TMEM177: variants seen among roughly 807,000 people sequenced by gnomAD.
TMEM177 encodes the protein transmembrane protein 177.
TMEM177 carries 4 observed loss-of-function variants against 14.2 expected under a neutral mutation model. That is an observed-to-expected ratio of 0.28 (90% confidence interval 0.14 to 0.64). TMEM177 has a LOEUF of 0.64. Ranked by LOEUF, TMEM177 falls within the 30% of genes least tolerant of loss-of-function variation. The pLI is 0.82. For synonymous variants in TMEM177, 179 were observed against 174.5 expected (o/e 1.03, Z -0.20); for missense variants, 344 against 405.2 (o/e 0.85, Z 1.30).
chr2:119,712,012 A>G, the TMEM177 span, among the ~76,000 whole-genome samples: 1 of 152,122 alleles, frequency 6.6e-6, no homozygotes, highest in African/African-American at 2.4e-5. Flanking sequence ...TCCTGAGGAC[A>G]GAGACAGGTC....
the TMEM177 span, among the ~76,000 whole-genome samples, chr2:119,699,442 C>G: frequency 6.6e-6 from 1 of 152,180 alleles, no homozygotes; most frequent in African/African-American, 2.4e-5. Context: ...CTTTGTCCCA[C>G]AGCTACGAAA....
At chr2:119,699,459 G>A in the TMEM177 span, among the ~76,000 whole-genome samples, 78,120 of 151,970 alleles carry the variant, frequency 0.51, 20,829 homozygotes, top group East Asian at 0.64. Flanking sequence ...GAAAATTCAG[G>A]CTCGCAGACA....
the TMEM177 span, among the ~76,000 whole-genome samples, chr2:119,710,589 C>T: frequency 6.6e-6 from 1 of 151,946 alleles, no homozygotes; most frequent in African/African-American, 2.4e-5. Flanking sequence ...TGGGAGATGG[C>T]ACTTGGACAC....
At chr2:119,685,835 A>G (rs950966818), downstream of TMEM177, 7 of 633,396 alleles carry the variant, frequency 1.1e-5, no homozygotes, top group Admixed American at 1.1e-4. Flanking sequence ...TGTGGACTCC[A>G]TAGCCCTTTT....
the TMEM177 span, among the ~76,000 whole-genome samples, chr2:119,692,721 C>T: frequency 5.8e-4 from 89 of 152,248 alleles, no homozygotes; most frequent in African/African-American, 2.0e-3. Flanking sequence ...GCCTGTAATC[C>T]CAGTACTTTG....
At chr2:119,699,479 G>A in the TMEM177 span, among the ~76,000 whole-genome samples, 1 of 152,170 alleles carries the variant, frequency 6.6e-6, no homozygotes, top group Non-Finnish European at 1.5e-5. Flanking sequence ...AATTTGAATG[G>A]TGAGTAAGAC....
chr2:119,709,048 A>G, the TMEM177 span, among the ~76,000 whole-genome samples: 1 of 152,240 alleles, frequency 6.6e-6, no homozygotes, highest in African/African-American at 2.4e-5. Flanking sequence ...TTATGGATAA[A>G]AAAACTGAGG....
chr2:119,709,257 G>A, the TMEM177 span, among the ~76,000 whole-genome samples: 1 of 152,220 alleles, frequency 6.6e-6, no homozygotes, highest in Non-Finnish European at 1.5e-5. Context: ...TGAGGTCAGT[G>A]CAGTCGTGGC....
At chr2:119,713,892 A>G in the TMEM177 span, among the ~76,000 whole-genome samples, 158 of 152,306 alleles carry the variant, frequency 1.0e-3, 1 homozygote, top group Admixed American at 2.4e-3. Flanking sequence ...TACCCTCCAC[A>G]CCAGGGCAGA....
the TMEM177 span, among the ~76,000 whole-genome samples, chr2:119,697,298 T>C: frequency 4.6e-5 from 7 of 152,232 alleles, no homozygotes; most frequent in Non-Finnish European, 2.9e-5. Flanking sequence ...CTGTGGCTCA[T>C]GCCTGCAATC....
At chr2:119,684,866 T>C (rs910793901), downstream of TMEM177, among the ~76,000 whole-genome samples, 1 of 152,072 alleles carries the variant, frequency 6.6e-6, no homozygotes, top group East Asian at 1.9e-4. Context: ...TTTTTTATAA[T>C]ATTGCGTCCC....
At chr2:119,696,822 T>A in the TMEM177 span, among the ~76,000 whole-genome samples, 1 of 149,490 alleles carries the variant, frequency 6.7e-6, no homozygotes, top group African/African-American at 2.5e-5. Flanking sequence ...AGCAGGGAGG[T>A]CGGGGAGGCA....
At chr2:119,722,482 G>C in the TMEM177 span, among the ~76,000 whole-genome samples, 1 of 152,130 alleles carries the variant, frequency 6.6e-6, no homozygotes, top group East Asian at 1.9e-4. Context: ...ATATATAAGA[G>C]AGAATGGCCT....
At chr2:119,698,552 G>T in the TMEM177 span, 3 of 153,688 alleles carry the variant, frequency 2.0e-5, no homozygotes, top group African/African-American at 7.2e-5. Context: ...TCAGGGTGAA[G>T]AGGAACCTAG....
At chr2:119,702,762 G>A in the TMEM177 span, among the ~76,000 whole-genome samples, 5 of 152,354 alleles carry the variant, frequency 3.3e-5, no homozygotes, top group South Asian at 1.0e-3. Context: ...CCTGGAGGAG[G>A]TGAGGCTGAA....
chr2:119,680,950 T>C lies in TMEM177; in HGVS notation c.97T>C (p.Ser33Pro), dbSNP rs1407805308. The change falls in exon 2 of 2, where the codon TCG becomes CCG. Residue 33 changes from serine (S) to proline (P), a missense_variant. Physicochemically the swap from Ser to Pro is moderately conservative, Grantham distance 74. Transcript: ENST00000272521. ...TGCAGGCCTGTTTGGAGTTCCAATC[T>C]CGTACCACCTCTTCCCGGATCCCGT... ...SCAGLFGVPI[S>P]YHLFPDPVVQ... is the part of the protein sequence containing the mutation. 1 of 1,614,074 alleles carries C rather than the reference T, an allele frequency of 6.2e-7. No individual in the cohort carries two copies. Among genetic ancestry groups the C allele is most frequent in the East Asian group, 2.2e-5 (1 of 44,880 alleles).
the TMEM177 span, among the ~76,000 whole-genome samples, chr2:119,696,588 G>A: frequency 6.6e-6 from 1 of 152,220 alleles, no homozygotes; most frequent in African/African-American, 2.4e-5. Flanking sequence ...GAGCATCCAG[G>A]ATGATAAGCA....
chr2:119,681,314 T>C lies in TMEM177; in HGVS notation c.461T>C (p.Leu154Ser), dbSNP rs1356567539. ...TCCCGTGAAGCCCAGAAGTTCGCCTTGGCCAGGGAAGTGGTGTACCTGGAA... is the reference window on the plus strand; with the variant it reads ...TCCCGTGAAGCCCAGAAGTTCGCCTCGGCCAGGGAAGTGGTGTACCTGGAA... Reference protein sequence around the residue: ...TLSREAQKFALAREVVYLESS... With the variant: ...TLSREAQKFASAREVVYLESS... The change falls in exon 2 of 2, where the codon TTG becomes TCG. Residue 154 changes from leucine to serine, a missense_variant. By Grantham distance (145) the Leu-to-Ser change is moderately radical. Coordinates refer to ENST00000272521, the MANE Select transcript of TMEM177 (RefSeq NM_030577.3). 5.6e-6 allele frequency: 9 copies of C among 1,614,112 alleles called. No individual in the cohort carries two copies. The East Asian group carries it at 2.0e-4, about 36-fold the overall frequency.
At chr2:119,712,498 A>T in the TMEM177 span, among the ~76,000 whole-genome samples, 1 of 152,154 alleles carries the variant, frequency 6.6e-6, no homozygotes, top group South Asian at 2.1e-4. Context: ...GGAAATTTGG[A>T]TACACAGAGA....
Sources: gnomAD v4.1 joint callset for allele counts (sites outside exome capture counted in the v4.1 genomes callset) on GRCh38, gnomAD v4.1.1 for gene constraint, MANE v1.5 for transcripts, NCBI Gene and HGNC (gene_info 2026-07-23, HGNC 2026-07-21) for gene names.